The following DENND2C variants were observed in gnomAD, a reference collection of about 807,000 sequenced individuals.
DENND2C encodes DENN domain containing 2C.
A neutral mutation model predicts 112.4 loss-of-function variants in DENND2C; 72 were observed. The observed-to-expected ratio is 0.64, with a 90% CI of 0.53 to 0.78. DENND2C has a LOEUF of 0.78. Ranked by LOEUF, DENND2C falls within the 30% of genes least tolerant of loss-of-function variation. The pLI is 0.00. For missense variants in DENND2C, 992 were observed against 1,113.8 expected (o/e 0.89, Z 1.56); for synonymous variants, 329 against 381.6 (o/e 0.86, Z 1.61).
At chr1:114,623,784 A>C in intron 4 of DENND2C, 141 bp from the exon 5 acceptor site, 1 of 747,736 alleles carries the variant, frequency 1.3e-6, no homozygotes, top group Admixed American at 3.5e-5. Context: ...TGCATAGGCT[A>C]GAGTTCAGTG....
At chr1:114,651,685 T>C (rs753218895) in intron 2 of DENND2C, among the ~76,000 whole-genome samples, 5 of 152,064 alleles carry the variant, frequency 3.3e-5, no homozygotes, top group Middle Eastern at 3.4e-3. Context: ...CCTGCAGAGC[T>C]GAGATCACGC....
intron 2 of DENND2C, among the ~76,000 whole-genome samples, chr1:114,651,098 G>GC (rs1287971731): frequency 2.0e-5 from 3 of 151,986 alleles, no homozygotes; most frequent in Non-Finnish European, 2.9e-5. Context: ...GACACAGTGA[G>GC]ACTCGAGACT....
chr1:114,647,161 T>TAAA (rs55989344), intron 2 of DENND2C, among the ~76,000 whole-genome samples: 21 of 139,714 alleles, frequency 1.5e-4, no homozygotes, highest in South Asian at 1.2e-3. Flanking sequence ...GATTCTATCT[T>TAAA]AAAAAAAAAA....
Position 114,625,320 on chromosome 1 carries a change from TC to T in DENND2C, c.664del (p.Glu222AsnfsTer146). 1 of 1,614,186 alleles carries T rather than the reference TC, an allele frequency of 6.2e-7. No individual in the cohort carries two copies. The highest frequency in any genetic ancestry group is 8.5e-7 in the Non-Finnish European group (1 of 1,180,022). On this transcript the variant is annotated frameshift_variant, in exon 4 of 21. Transcript: ENST00000393274. LOFTEE classifies it high-confidence loss of function. ...TTCTTTATACGGCGTAACACCAGAT[TC>T]GGATAAATATCTGAATGTCCTACGA... Reference protein sequence around the residue: ...KPRRTFRYLSESGVTPYKERN... With the variant: ...KPRRTFRYLSXSGVTPYKERN...
At chr1:114,614,488 T>C (rs1655902702) in intron 8 of DENND2C, among the ~76,000 whole-genome samples, 1 of 152,320 alleles carries the variant, frequency 6.6e-6, no homozygotes, top group East Asian at 1.9e-4. Flanking sequence ...CTTATTTTAT[T>C]TGAGCCACAA....
rs191977116 is a variant in DENND2C, at chr1:114,631,612, T to C, written c.-204-5424A>G. ...TCCTGGCTAACACGGTGAAACCCCA[T>C]CTCTACTAAAAATACAAAAATTAAC... On this transcript the variant is annotated intron_variant, in intron 3 of 20. Coordinates refer to ENST00000393274, the MANE Select transcript of DENND2C (RefSeq NM_001256404.2). Among the ~76,000 whole-genome samples the C allele has an allele frequency of 7.9e-5, 12 of 152,018 alleles. No individual in the cohort carries two copies. In the East Asian group the frequency reaches 2.3e-3, roughly 29 times the overall value.
At chr1:114,661,231 C>T (rs926847597) in intron 1 of DENND2C, among the ~76,000 whole-genome samples, 1 of 152,132 alleles carries the variant, frequency 6.6e-6, no homozygotes, top group Non-Finnish European at 1.5e-5. Context: ...CCAGACTCTA[C>T]CCATCTTGCA....
rs182284923 is a variant in DENND2C, at chr1:114,655,966, A to G, written c.-573-1205T>C. ...TTTCTTCGTTTCTGTATACTATTTC[A>G]TTTAATGGTAATGCCAGTATTTATT... On this transcript the variant is annotated intron_variant, in intron 1 of 20. Transcript: ENST00000393274. 3.2e-3 allele frequency among the ~76,000 whole-genome samples: 475 copies of G among 150,234 alleles called. 1 individual carries two copies. The highest frequency in any genetic ancestry group is 5.6e-3 in the Non-Finnish European group (379 of 67,812).
chr1:114,661,033 C>A (rs1311252202), intron 1 of DENND2C, among the ~76,000 whole-genome samples: 1 of 150,058 alleles, frequency 6.7e-6, no homozygotes, highest in Non-Finnish European at 1.5e-5. Context: ...ATCGCTTGAA[C>A]CCGGGAGGCG....
chr1:114,641,951 GTA>G (rs368135084), intron 3 of DENND2C, among the ~76,000 whole-genome samples: 1 of 151,350 alleles, frequency 6.6e-6, no homozygotes. Flanking sequence ...ACACATATAT[GTA>G]TATATATATA....
intron 8 of DENND2C, among the ~76,000 whole-genome samples, chr1:114,616,765 G>C (rs1286447043): frequency 6.6e-6 from 1 of 152,032 alleles, no homozygotes; most frequent in East Asian, 1.9e-4. Flanking sequence ...TGAGGCAAAG[G>C]AATCCCTTGA....
chr1:114,596,024 GAA>G (rs1326055329), intron 16 of DENND2C, 151 bp from the exon 17 acceptor site: 6 of 681,060 alleles, frequency 8.8e-6, no homozygotes, highest in Non-Finnish European at 1.6e-5. Flanking sequence ...GCAAGTAAAA[GAA>G]TGATGACATG....
At chr1:114,607,107 T>C (rs1655678725) in intron 10 of DENND2C, among the ~76,000 whole-genome samples, 1 of 152,082 alleles carries the variant, frequency 6.6e-6, no homozygotes, top group Non-Finnish European at 1.5e-5. Flanking sequence ...AAAGGGCACT[T>C]ACTAGGGCCC....
chr1:114,642,592 T>C (rs1656871436), intron 3 of DENND2C, among the ~76,000 whole-genome samples: 1 of 152,196 alleles, frequency 6.6e-6, no homozygotes, highest in Non-Finnish European at 1.5e-5. Flanking sequence ...GAGCCAGGCA[T>C]AGCTCTACTA....
At chr1:114,616,287 G>A (rs971030958) in intron 8 of DENND2C, among the ~76,000 whole-genome samples, 9 of 151,418 alleles carry the variant, frequency 5.9e-5, no homozygotes, top group African/African-American at 2.2e-4. Flanking sequence ...AGCTTCTCAG[G>A]AGAAAGAGGC....
At chr1:114,627,558 A>T (rs1037639857) in intron 3 of DENND2C, among the ~76,000 whole-genome samples, 1 of 150,156 alleles carries the variant, frequency 6.7e-6, no homozygotes, top group African/African-American at 2.5e-5. Flanking sequence ...TTGCCAGCAA[A>T]TAAACTTTGG....
chr1:114,644,367 C>T (rs186292726), intron 3 of DENND2C, among the ~76,000 whole-genome samples: 103 of 152,114 alleles, frequency 6.8e-4, no homozygotes, highest in African/African-American at 2.4e-3. Context: ...CTACTGTATC[C>T]CCAGCACCCA....
chr1:114,644,127 T>C (rs80161312), intron 3 of DENND2C, among the ~76,000 whole-genome samples: 135 of 152,278 alleles, frequency 8.9e-4, no homozygotes, highest in Non-Finnish European at 1.7e-3. Flanking sequence ...ACTTATCATC[T>C]TTACTGCTAA....
intron 17 of DENND2C, among the ~76,000 whole-genome samples, chr1:114,595,164 C>T (rs1264078554): frequency 2.0e-5 from 3 of 152,212 alleles, no homozygotes; most frequent in Non-Finnish European, 4.4e-5. Flanking sequence ...CTCATTTTTA[C>T]ATTCTAACAG....
Sources: gnomAD v4.1 joint callset for allele counts (sites outside exome capture counted in the v4.1 genomes callset) on GRCh38, gnomAD v4.1.1 for gene constraint, MANE v1.5 for transcripts, NCBI Gene and HGNC (gene_info 2026-07-23, HGNC 2026-07-21) for gene names.